Variants in RPS6KA4 observed in about 807,000 individuals in gnomAD.
RPS6KA4 encodes the protein ribosomal protein S6 kinase A4, also known as ribosomal protein S6 kinase alpha-4.
Under a neutral mutation model 89.6 loss-of-function variants are expected in RPS6KA4, and 38 were observed. The observed-to-expected ratio is 0.42, with a 90% CI of 0.33 to 0.56. The LOEUF is 0.56. RPS6KA4 is among the 20% of genes least tolerant of loss of function. RPS6KA4 has a pLI of 0.07. For missense variants in RPS6KA4, 873 were observed against 1,098.8 expected, an observed-to-expected ratio of 0.79 and a Z score of 2.90; for synonymous variants, 495 against 492.8, an observed-to-expected ratio of 1.00 and a Z score of -0.06.
chr11:64,368,435 C>A lies in RPS6KA4; in HGVS notation c.1201-33C>A, dbSNP rs117514762. On this transcript the variant is annotated intron_variant, in intron 10 of 16. Transcript: ENST00000334205. Reference sequence around the variant, plus strand: ...CTACCAGGTGGGACCTCTGACGCGCCGCCTTCGCCTTCGCCTTCGCCTTCG... The same window carrying A: ...CTACCAGGTGGGACCTCTGACGCGCAGCCTTCGCCTTCGCCTTCGCCTTCG... The A allele has an allele frequency of 2.6e-6, 4 of 1,540,896 alleles. No individual in the cohort carries two copies. In the East Asian group the frequency reaches 7.3e-5, roughly 28 times the overall value.
At position 64,359,408 on chromosome 11, in the gene RPS6KA4, G is replaced by C. The variant is rs768572474; in HGVS notation, c.86G>C (p.Ser29Thr). 1 of 1,613,722 alleles carries C rather than the reference G, an allele frequency of 6.2e-7. No individual in the cohort carries two copies. The highest frequency in any genetic ancestry group is 8.5e-7 in the Non-Finnish European group (1 of 1,179,830). Residue 29 changes from serine (S) to threonine (T), a missense_variant, in exon 2 of 17, where the codon AGC (serine) becomes ACC (threonine). This residue lies in a region of RPS6KA4 where 49 missense variants were observed against 51.9 expected (regional missense o/e 0.94). Transcript: ENST00000334205. The part of the protein sequence containing the change: ...ANLTGHEEKV[S>T]VENFELLKVL... ...CTGACCGGGCACGAGGAGAAGGTGA[G>C]CGTGGAGAACTTCGAGCTGCTCAAG...
intron 2 of RPS6KA4, chr11:64,359,924 T>C (rs982710942): frequency 2.6e-5 from 15 of 577,094 alleles, no homozygotes; most frequent in Non-Finnish European, 4.3e-5. Context: ...GCAGGCCCCC[T>C]GGAGATGCAT....
chr11:64,359,610 C>A, intron 2 of RPS6KA4, 161 bp downstream of exon 2: 1 of 697,338 alleles, frequency 1.4e-6, no homozygotes, highest in South Asian at 1.8e-5. Flanking sequence ...AGTTTGCATG[C>A]CCACTTCCAG....
rs768059775 is a variant in RPS6KA4, at chr11:64,370,666, G to C, written c.2061G>C (p.Thr687=). The C allele has an allele frequency of 1.8e-5, 29 of 1,571,066 alleles. No homozygotes were observed. The South Asian group carries it at 2.2e-4, about 12-fold the overall frequency. Residue 687 remains threonine, a synonymous_variant, in exon 16 of 17, where the codon ACG becomes ACC. Coordinates refer to ENST00000334205, the MANE Select transcript of RPS6KA4 (RefSeq NM_003942.3). This position sits in a 1 kb window ranked among gnomAD's most constrained non-coding sequence, Gnocchi z 4.1. ...GSARSSPPLR[T]PDVLESSGPA... ...CGCGCTCCTCGCCCCCGCTCCGGACGCCCGACGTGCTCGAGTCCTCTGGGC... is the reference window on the plus strand; with the variant it reads ...CGCGCTCCTCGCCCCCGCTCCGGACCCCCGACGTGCTCGAGTCCTCTGGGC...
At chr11:64,360,944 C>A (rs2036728775) in intron 4 of RPS6KA4, 190 bp from the exon 5 acceptor site, 3 of 582,396 alleles carry the variant, frequency 5.2e-6, no homozygotes, top group Admixed American at 6.2e-5. Context: ...GGGGCCTGAT[C>A]CACGGGGCCC....
At chr11:64,365,159 G>A in intron 8 of RPS6KA4, 142 bp from the exon 9 acceptor site, 1 of 853,422 alleles carries the variant, frequency 1.2e-6, no homozygotes, top group Non-Finnish European at 1.8e-6. Flanking sequence ...GAGAAGCCAG[G>A]GAGGCAGGAG....
At position 64,370,179 on chromosome 11, in the gene RPS6KA4, C is replaced by A. The variant is rs375776829; in HGVS notation, c.1798-46C>A. ...TCTGTGGGAGCGGAGGGGTCAGCCT[C>A]GGCACCCCAGCCTGGGCCGGCCTCA... On this transcript the variant is annotated intron_variant, in intron 14 of 16. Transcript: ENST00000334205. The surrounding 1 kb of genome is among the most constrained non-coding windows in gnomAD (Gnocchi z 4.1). The A allele has an allele frequency of 8.6e-6, 13 of 1,506,958 alleles. No individual in the cohort carries two copies. The African/African-American group carries it at 1.1e-4, about 13-fold the overall frequency. The allele number at this position is 1,506,958 out of a possible 1,614,324, so 93.3% of individuals were successfully genotyped here.
intron 9 of RPS6KA4, among the ~76,000 whole-genome samples, chr11:64,367,636 A>T (rs1467201689): frequency 2.0e-5 from 3 of 152,238 alleles, no homozygotes; most frequent in Non-Finnish European, 4.4e-5. Flanking sequence ...AATGACCCTT[A>T]AAAGCTCCTC....
chr11:64,359,594 C>A (rs951286147), intron 2 of RPS6KA4, 145 bp downstream of exon 2: 2 of 827,848 alleles, frequency 2.4e-6, no homozygotes, highest in African/African-American at 1.7e-5. Context: ...CGCCCTGCCT[C>A]GCCAGAGTTT....
chr11:64,368,757 A>T lies in RPS6KA4; in HGVS notation c.1388A>T (p.His463Leu). 1 of 1,572,074 alleles carries T rather than the reference A, an allele frequency of 6.4e-7. No homozygotes were observed. Among genetic ancestry groups the T allele is most frequent in the Non-Finnish European group, 8.6e-7 (1 of 1,159,632 alleles). The change falls in exon 12 of 17, where the codon CAC (histidine) becomes CTC (leucine). Residue 463 changes from histidine to leucine, a missense_variant. By Grantham distance (99) the His-to-Leu change is moderately conservative. This residue lies in a region of RPS6KA4 where 542 missense variants were observed against 736.4 expected (regional missense o/e 0.74). Coordinates refer to ENST00000334205, the MANE Select transcript of RPS6KA4 (RefSeq NM_003942.3). ...GCTGCCCTGCGCCTGTGCCAGTCACACCCCAACGTGGTGAATCTGCACGAG... is the reference window on the plus strand; with the variant it reads ...GCTGCCCTGCGCCTGTGCCAGTCACTCCCCAACGTGGTGAATCTGCACGAG... ...EVAALRLCQS[H>L]PNVVNLHEVH...
intron 8 of RPS6KA4, among the ~76,000 whole-genome samples, chr11:64,363,190 C>T (rs2036799086): frequency 6.6e-6 from 1 of 152,202 alleles, no homozygotes; most frequent in Non-Finnish European, 1.5e-5. Context: ...TTATTGTGGG[C>T]CAGGTACTGT....
rs1287963503 is a variant in RPS6KA4 at position 64,359,751 on chromosome 11, A to G, written c.127+302A>G. On this transcript the variant is annotated intron_variant, in intron 2 of 16. Coordinates refer to ENST00000334205, the MANE Select transcript of RPS6KA4 (RefSeq NM_003942.3). ...TTTGCATAGCTCCTCCCTTTCTTCCAATATGGGATCCCCCTCCCACATTTT... is the reference window on the plus strand; with the variant it reads ...TTTGCATAGCTCCTCCCTTTCTTCCGATATGGGATCCCCCTCCCACATTTT... The G allele has an allele frequency of 4.5e-5, 24 of 536,452 alleles. 1 individual carries two copies. In the South Asian group the frequency reaches 5.0e-4, roughly 11 times the overall value. 33.2% of individuals were successfully genotyped at this position (536,452 alleles called of 1,614,324 possible). A position where few individuals can be genotyped will look rare whatever the true frequency, so the allele number is the denominator to read the frequency against.
rs893366404 is a variant in RPS6KA4 at position 64,369,901 on chromosome 11, A to G, written c.1797+8A>G. The G allele has an allele frequency of 9.8e-6, 15 of 1,527,196 alleles. No individual in the cohort carries two copies. Among genetic ancestry groups the G allele is most frequent in the Non-Finnish European group, 1.2e-5 (14 of 1,133,602 alleles). 94.6% of individuals were successfully genotyped at this position (1,527,196 alleles called of 1,614,324 possible). A position where few individuals can be genotyped will look rare whatever the true frequency, so the allele number is the denominator to read the frequency against. Reference sequence around the variant, plus strand: ...AGCCTGGGCGTCATTCTGGTATGGGACGCGGTCCTTGAGGCGGGGTCAGGG... The same window carrying G: ...AGCCTGGGCGTCATTCTGGTATGGGGCGCGGTCCTTGAGGCGGGGTCAGGG... On this transcript the variant is annotated splice_region_variant and intron_variant, in intron 14 of 16. Coordinates refer to ENST00000334205, the MANE Select transcript of RPS6KA4 (RefSeq NM_003942.3).
At chr11:64,368,446 T>C (rs779865762) in intron 10 of RPS6KA4, 22 bp from the exon 11 acceptor site, 1 of 1,545,644 alleles carries the variant, frequency 6.5e-7, no homozygotes, top group Admixed American at 2.0e-5. Context: ...GCCTTCGCCT[T>C]CGCCTTCGCC....
Position 64,361,446 on chromosome 11 carries a change from A to G in RPS6KA4, c.571-23A>G. On this transcript the variant is annotated intron_variant, in intron 5 of 16. Transcript: ENST00000334205. This position sits in a 1 kb window ranked among gnomAD's most constrained non-coding sequence, Gnocchi z 4.7. Reference sequence around the variant, plus strand: ...GGCACAGGAGAGGTTTCGACATCTAAGCAGGACCTCTTGCCCTCCCAGAAA... The same window carrying G: ...GGCACAGGAGAGGTTTCGACATCTAGGCAGGACCTCTTGCCCTCCCAGAAA... 1 of 1,613,576 alleles carries G rather than the reference A, an allele frequency of 6.2e-7. No individual in the cohort carries two copies. The highest frequency in any genetic ancestry group is 8.5e-7 in the Non-Finnish European group (1 of 1,179,636).
chr11:64,368,055 G>C, intron 9 of RPS6KA4, 77 bp from the exon 10 acceptor site: 1 of 1,529,454 alleles, frequency 6.5e-7, no homozygotes, highest in South Asian at 1.2e-5. Context: ...GCCTTTGCCT[G>C]GTTCCCCACC....
At chr11:64,362,080 G>A in intron 8 of RPS6KA4, 78 bp downstream of exon 8, 1 of 1,495,708 alleles carries the variant, frequency 6.7e-7, no homozygotes, top group Non-Finnish European at 9.0e-7. Flanking sequence ...GTTGTGCCTG[G>A]CCAGTTTCAC....
chr11:64,368,643 C>A, intron 11 of RPS6KA4, 42 bp downstream of exon 11: 1 of 1,577,700 alleles, frequency 6.3e-7, no homozygotes, highest in Non-Finnish European at 8.6e-7. Flanking sequence ...GGTGGCAGAG[C>A]GCTGTCCCGG....
Position 64,361,002 on chromosome 11 carries a change from T to C in RPS6KA4, c.463-132T>C. ...AATGGCCTTTCTTATTCAGTGGCTC[T>C]GCCCTGGAGACCCCCTCTACAGGCA... On this transcript the variant is annotated intron_variant, in intron 4 of 16. Transcript: ENST00000334205. The surrounding 1 kb of genome is among the most constrained non-coding windows in gnomAD (Gnocchi z 4.7). 1.5e-6 allele frequency: 1 copy of C among 655,926 alleles called. No individual in the cohort carries two copies. Among genetic ancestry groups the C allele is most frequent in the Non-Finnish European group, 2.6e-6 (1 of 383,524 alleles). 40.6% of individuals were successfully genotyped at this position (655,926 alleles called of 1,614,324 possible).
Sources: allele counts gnomAD v4.1 joint callset (sites outside exome capture counted in the v4.1 genomes callset), GRCh38; gene constraint gnomAD v4.1.1; regional missense constraint gnomAD v4.1.1; non-coding constraint Gnocchi (gnomAD v3.1); transcripts MANE v1.5; gene names NCBI Gene and HGNC (gene_info 2026-07-23, HGNC 2026-07-21).